Variants in FAN1 observed in about 807,000 individuals in gnomAD.
FAN1 encodes the protein FANCD2 and FANCI associated nuclease 1, also known as fanconi-associated nuclease 1.
A neutral mutation model predicts 104.9 loss-of-function variants in FAN1; 91 were observed. The ratio of observed to expected loss-of-function variants is 0.87; its 90% confidence interval spans 0.73 to 1.03. The LOEUF is 1.03. Among genes scored for constraint, FAN1 ranks in the 50% least tolerant of loss-of-function variants. The pLI, the probability that FAN1 is intolerant of heterozygous loss-of-function variation, is 0.00. For missense variants in FAN1, 1,263 were observed against 1,239.9 expected (o/e 1.02, Z -0.28); for synonymous variants, 478 against 457.6 (o/e 1.04, Z -0.57).
intron 13 of FAN1, among the ~76,000 whole-genome samples, chr15:30,936,900 C>G (rs1283406338): frequency 6.6e-6 from 1 of 152,136 alleles, no homozygotes; most frequent in Non-Finnish European, 1.5e-5. Flanking sequence ...AGTATGGTTT[C>G]TGTTGAATGT....
intron 7 of FAN1, 50 bp from the exon 8 acceptor site, chr15:30,922,185 G>C: frequency 6.3e-7 from 1 of 1,588,960 alleles, no homozygotes; most frequent in Non-Finnish European, 8.5e-7. Context: ...TATCATTGCA[G>C]CTGGATTTTT....
Position 30,929,352 on chromosome 15 carries a change from T to C in FAN1, c.2742T>C (p.Ala914=). ...GGCATGAGCAGGAAGGCAGAGTGGCTTCCCTTGTCAGCTGGGATCGCTTCA... is the reference window on the plus strand; with the variant it reads ...GGCATGAGCAGGAAGGCAGAGTGGCCTCCCTTGTCAGCTGGGATCGCTTCA... ...ATWHEQEGRV[A]SLVSWDRFTS... is the part of the protein sequence containing the mutation. The change falls in exon 12 of 15, where the codon GCT becomes GCC. Residue 914 remains alanine (A), a synonymous_variant. Transcript: ENST00000362065. 6.2e-7 allele frequency: 1 copy of C among 1,611,766 alleles called. No individual in the cohort carries two copies. The highest frequency in any genetic ancestry group is 2.2e-5 in the East Asian group (1 of 44,590).
intron 13 of FAN1, 77 bp from the exon 14 acceptor site, chr15:30,937,042 G>C: frequency 1.7e-6 from 2 of 1,197,248 alleles, no homozygotes; most frequent in Non-Finnish European, 2.4e-6. Context: ...ATAGTTGTCA[G>C]TGACAACTAC....
Position 30,905,240 on chromosome 15 carries a change from A to G in FAN1, c.577A>G (p.Ile193Val). The G allele has an allele frequency of 1.2e-6, 2 of 1,614,070 alleles. No homozygotes were observed. The highest frequency in any genetic ancestry group is 2.2e-5 in the South Asian group (2 of 91,086). Residue 193 changes from isoleucine (I) to valine (V), a missense_variant, in exon 2 of 15, where the codon ATT becomes GTT. Coordinates refer to ENST00000362065, the MANE Select transcript of FAN1 (RefSeq NM_014967.5). ...CAAATCCACAGTTGTTAAGAGCCTGATTGATAACTCTTCAGAAATTGAGGA... is the reference window on the plus strand; with the variant it reads ...CAAATCCACAGTTGTTAAGAGCCTGGTTGATAACTCTTCAGAAATTGAGGA... Reference protein sequence around the residue: ...SSKSTVVKSLIDNSSEIEDED... With the variant: ...SSKSTVVKSLVDNSSEIEDED...
rs781484762 is a variant in FAN1, at chr15:30,908,143, G to C, written c.1260G>C (p.Arg420Ser). 6.2e-7 allele frequency: 1 copy of C among 1,610,244 alleles called. No homozygotes were observed. The highest frequency in any genetic ancestry group is 1.7e-5 in the Admixed American group (1 of 59,374). ...CTACTGGTCAGAAGTTATATGTAAG[G>C]CTCTTTCAACGTAAATTAAGCTGGA... The part of the protein sequence containing the change: ...LSATGQKLYV[R>S]LFQRKLSWIK... The change falls in exon 3 of 15, where the codon AGG (arginine) becomes AGC (serine). Residue 420 changes from arginine (R) to serine (S), a missense_variant. This residue lies in a region of FAN1 where 682 missense variants were observed against 571.1 expected (regional missense o/e 1.19). Coordinates refer to ENST00000362065, the MANE Select transcript of FAN1 (RefSeq NM_014967.5).
chr15:30,908,251 A>G lies in FAN1; in HGVS notation c.1368A>G (p.Leu456=), dbSNP rs1458889121. 10 of 1,603,824 alleles carry G rather than the reference A, an allele frequency of 6.2e-6. No homozygotes were observed. The East Asian group carries it at 1.3e-4, about 22-fold the overall frequency. The change falls in exon 3 of 15, where the codon CTA becomes CTG. Residue 456 remains leucine (L), a synonymous_variant. Coordinates refer to ENST00000362065, the MANE Select transcript of FAN1 (RefSeq NM_014967.5). ...VIEELTNAGF[L]QTESELQELS... is the part of the protein sequence containing the mutation. ...AAGAATTGACGAATGCAGGCTTTCT[A>G]CAGACAGGTATGACTAGTAGAAGGA...
At chr15:30,933,927 A>AT (rs953388891) in intron 13 of FAN1, among the ~76,000 whole-genome samples, 2 of 151,506 alleles carry the variant, frequency 1.3e-5, no homozygotes, top group Non-Finnish European at 2.9e-5. Flanking sequence ...TGCCCAGCTG[A>AT]TTTTTTTTAT....
At chr15:30,906,592 A>G (rs2061984640) in intron 2 of FAN1, 1 of 446,744 alleles carries the variant, frequency 2.2e-6, no homozygotes, top group Admixed American at 2.4e-5. Flanking sequence ...GAGGGCAGGA[A>G]AAAACATGGT....
At chr15:30,906,912 G>A (rs1228211159) in intron 2 of FAN1, among the ~76,000 whole-genome samples, 10 of 152,132 alleles carry the variant, frequency 6.6e-5, no homozygotes, top group African/African-American at 2.4e-4. Context: ...CATTCCTGGA[G>A]TATTTCAGAG....
At position 30,908,111 on chromosome 15, in the gene FAN1, A is replaced by G; in HGVS notation, c.1235-7A>G. 1 of 1,588,604 alleles carries G rather than the reference A, an allele frequency of 6.3e-7. No homozygotes were observed. The highest frequency in any genetic ancestry group is 8.5e-7 in the Non-Finnish European group (1 of 1,171,328). On this transcript the variant is annotated splice_region_variant and splice_polypyrimidine_tract_variant and intron_variant, in intron 2 of 14. Transcript: ENST00000362065. ...GATTTTCAACATTTTTCTTAACTTT[A>G]TTGCAGCTACTGGTCAGAAGTTATA...
chr15:30,928,398 C>A (rs1375275213), intron 10 of FAN1, 155 bp from the exon 11 acceptor site: 8 of 1,461,112 alleles, frequency 5.5e-6, no homozygotes, highest in South Asian at 2.8e-5. Context: ...CTGGGAATGG[C>A]GTGAAAACAG....
At position 30,918,179 on chromosome 15, in the gene FAN1, GC is replaced by G; in HGVS notation, c.1828del (p.His610ThrfsTer3). The G allele has an allele frequency of 6.2e-7, 1 of 1,613,918 alleles. No individual in the cohort carries two copies. The highest frequency in any genetic ancestry group is 1.1e-5 in the South Asian group (1 of 91,068). ...TTTCCTCCAGATATGCAGCAGCCAC[GC>G]ACATGCTGAGTGACATTTCTTCCGC... ...DDLIRYAAAT[H>X]MLSDISSAMA... On this transcript the variant is annotated frameshift_variant, in exon 6 of 15. Transcript: ENST00000362065. LOFTEE classifies it high-confidence loss of function.
intron 4 of FAN1, 37 bp from the exon 5 acceptor site, chr15:30,913,821 A>G: frequency 7.2e-7 from 1 of 1,397,022 alleles, no homozygotes; most frequent in Non-Finnish European, 9.9e-7. Context: ...AAATGCTTAA[A>G]AAGCTAAAAG....
At position 30,942,383 on chromosome 15, in the gene FAN1, TATCAAG is replaced by T. The variant is rs2063085048; in HGVS notation, c.*823_*828del. On this transcript the variant is annotated 3_prime_UTR_variant, in exon 15 of 15. Coordinates refer to ENST00000362065, the MANE Select transcript of FAN1 (RefSeq NM_014967.5). ...AAAAAACACTAGACCTGGCCGATTC[TATCAAG>T]AACAATGGCAAACTGAACAGAGGCA... The T allele has an allele frequency of 2.6e-6, 1 of 384,752 alleles. No homozygotes were observed. The highest frequency in any genetic ancestry group is 2.0e-5 in the African/African-American group (1 of 49,074). The allele number at this position is 384,752 out of a possible 1,614,324, so 23.8% of individuals were successfully genotyped here.
chr15:30,910,551 C>G (rs962351116), intron 3 of FAN1, 63 bp from the exon 4 acceptor site: 40 of 1,022,618 alleles, frequency 3.9e-5, no homozygotes, highest in Non-Finnish European at 3.9e-5. Context: ...TTTCATCTAA[C>G]TAAGGTAAAT....
chr15:30,918,077 T>G, intron 5 of FAN1, 87 bp from the exon 6 acceptor site: 1 of 1,352,348 alleles, frequency 7.4e-7, no homozygotes, highest in East Asian at 2.3e-5. Flanking sequence ...CACTTTTACC[T>G]TTCAGAGTGA....
Position 30,905,279 on chromosome 15 carries a change from T to G in FAN1, c.616T>G (p.Leu206Val). The G allele has an allele frequency of 6.2e-7, 1 of 1,614,034 alleles. No individual in the cohort carries two copies. The highest frequency in any genetic ancestry group is 8.5e-7 in the Non-Finnish European group (1 of 1,180,024). Residue 206 changes from leucine to valine, a missense_variant, in exon 2 of 15, where the codon TTG becomes GTG. Leu to Val is a conservative substitution (Grantham distance 32). Coordinates refer to ENST00000362065, the MANE Select transcript of FAN1 (RefSeq NM_014967.5). ...AGAAATTGAGGACGAGGATCAAATT[T>G]TGGAGAACAGTTCTCAAAAAGAAAA... is the stretch of plus-strand genomic sequence containing the variant. ...SSEIEDEDQI[L>V]ENSSQKENVF...
intron 12 of FAN1, among the ~76,000 whole-genome samples, chr15:30,929,862 AATATATATAAAATATATAATATATATC>A (rs2062634593): frequency 1.7e-5 from 1 of 60,366 alleles, no homozygotes; most frequent in Non-Finnish European, 2.7e-5. Flanking sequence ...TATCATATAT[AATATATATAAAATATATAATATATATC>A]ATATATAATA....
chr15:30,906,643 C>A (rs2061985945), intron 2 of FAN1: 1 of 391,572 alleles, frequency 2.6e-6, no homozygotes, highest in Non-Finnish European at 5.1e-6. Context: ...ATGTGTGACT[C>A]CTCAGTAGAT....
Sources: allele counts gnomAD v4.1 joint callset (sites outside exome capture counted in the v4.1 genomes callset), GRCh38; gene constraint gnomAD v4.1.1; regional missense constraint gnomAD v4.1.1; transcripts MANE v1.5; gene names NCBI Gene and HGNC (gene_info 2026-07-23, HGNC 2026-07-21).